Variants in GLI3 observed in about 807,000 individuals in gnomAD.
The protein encoded by GLI3 is transcription activator GLI3.
In GLI3, 20 loss-of-function variants were observed where a neutral mutation model predicts 100.8. The observed-to-expected ratio is 0.20, with a 90% CI of 0.14 to 0.29. GLI3 has a LOEUF of 0.29. Among genes scored for constraint, GLI3 ranks in the 10% least tolerant of loss-of-function variants. GLI3 has a pLI of 1.00. For synonymous variants in GLI3, 938 were observed against 860.5 expected, an observed-to-expected ratio of 1.09 and a Z score of -1.58; for missense variants, 2,040 against 2,128.5, an observed-to-expected ratio of 0.96 and a Z score of 0.82.
chr7:42,008,539 G>C (rs1301244523), intron 10 of GLI3, among the ~76,000 whole-genome samples: 1 of 152,120 alleles, frequency 6.6e-6, no homozygotes, highest in Non-Finnish European at 1.5e-5. Flanking sequence ...GAACTCCTAG[G>C]CTCAGGTAAT....
intron 10 of GLI3, among the ~76,000 whole-genome samples, chr7:42,022,064 A>T (rs1252431431): frequency 2.6e-5 from 4 of 152,238 alleles, no homozygotes; most frequent in Admixed American, 6.5e-5. Context: ...GTTCATGGAA[A>T]AATTCTGGAA....
chr7:42,135,868 GTCTC>G (rs3839734), intron 3 of GLI3, among the ~76,000 whole-genome samples: 52,567 of 151,636 alleles, frequency 0.35, 11,029 homozygotes, highest in East Asian at 0.58. Flanking sequence ...TTTTCTCTCT[GTCTC>G]TCTCTCTCAC....
In GLI3 at chr7:41,965,125, G is replaced by A. The variant is rs761338433; in HGVS notation, c.3948C>T (p.Asp1316=). Residue 1316 remains aspartate, a synonymous_variant, in exon 15 of 15, where the codon GAC becomes GAT. Transcript: ENST00000395925. ...GSMVNGMQNQ[D]PVGQGYLAHQ... ...GAGCCAGGTACCCCTGTCCCACTGG[G>A]TCCTGGTTCTGCATGCCATTCACCA... 1 of 1,613,806 alleles carries A rather than the reference G, an allele frequency of 6.2e-7. No individual in the cohort carries two copies.
At chr7:42,180,509 C>T (rs529479813) in intron 2 of GLI3, among the ~76,000 whole-genome samples, 1 of 152,302 alleles carries the variant, frequency 6.6e-6, no homozygotes, top group Admixed American at 6.5e-5. Context: ...CCTGATGGAG[C>T]AATCCAGCAG....
At chr7:42,045,571 G>C (rs749019076) in intron 5 of GLI3, 41 bp from the exon 6 acceptor site, 1 of 1,604,114 alleles carries the variant, frequency 6.2e-7, no homozygotes, top group East Asian at 2.2e-5. Flanking sequence ...AGCGAAAGAA[G>C]GTCAACTAGA....
At chr7:42,027,287 T>C (rs918681518) in intron 7 of GLI3, among the ~76,000 whole-genome samples, 1 of 152,174 alleles carries the variant, frequency 6.6e-6, no homozygotes, top group Non-Finnish European at 1.5e-5. Context: ...TCTTAAGGAA[T>C]TTGCCAATGG....
At chr7:42,010,308 G>A (rs566823107) in intron 10 of GLI3, among the ~76,000 whole-genome samples, 6 of 152,266 alleles carry the variant, frequency 3.9e-5, no homozygotes, top group East Asian at 1.9e-4. Flanking sequence ...AAAGTGGGAC[G>A]GTAAATAACA....
In GLI3 at chr7:41,965,255, C is replaced by T. The variant is rs779875007; in HGVS notation, c.3818G>A (p.Gly1273Asp). 5.0e-6 allele frequency: 8 copies of T among 1,613,794 alleles called. No individual in the cohort carries two copies. The South Asian group carries it at 7.7e-5, about 16-fold the overall frequency. The change falls in exon 15 of 15, where the codon GGT becomes GAT. Residue 1273 changes from glycine (G) to aspartate (D), a missense_variant. Gly to Asp is a moderately conservative substitution (Grantham distance 94). This residue lies in a region of GLI3 where 1,041 missense variants were observed against 924.0 expected (regional missense o/e 1.13). Transcript: ENST00000395925. ...VAPGALDGAC[G>D]AGIQASKLKS... ...CAGCTTTGAGGCTTGAATCCCGGCA[C>T]CACAGGCACCGTCGAGTGCACCAGG...
At chr7:42,190,506 C>G (rs1330714327) in intron 2 of GLI3, among the ~76,000 whole-genome samples, 1 of 152,080 alleles carries the variant, frequency 6.6e-6, no homozygotes, top group Non-Finnish European at 1.5e-5. Context: ...ATGAAAGACT[C>G]AATAACAATG....
intron 1 of GLI3, among the ~76,000 whole-genome samples, chr7:42,234,517 T>A (rs191044798): frequency 1.8e-3 from 269 of 152,344 alleles, no homozygotes; most frequent in Non-Finnish European, 3.5e-3. Context: ...CCATTTTTCA[T>A]CAGTATTGAA....
chr7:42,182,644 GTA>G (rs764864618), intron 2 of GLI3, among the ~76,000 whole-genome samples: 2,050 of 51,570 alleles, frequency 0.04, 50 homozygotes, highest in East Asian at 0.074. Context: ...ATATGTGTGT[GTA>G]TATATATATA....
intron 1 of GLI3, among the ~76,000 whole-genome samples, chr7:42,256,360 C>G (rs948431256): frequency 1.3e-5 from 2 of 151,666 alleles, no homozygotes; most frequent in Non-Finnish European, 2.9e-5. Flanking sequence ...CTTCACCCAT[C>G]CCAAGATATT....
chr7:42,140,733 T>A (rs1347985341), intron 3 of GLI3, among the ~76,000 whole-genome samples: 1 of 152,134 alleles, frequency 6.6e-6, no homozygotes, highest in African/African-American at 2.4e-5. Flanking sequence ...TTTACAGGTA[T>A]GAGATCAAGA....
rs1157605782 is a variant in GLI3 at position 42,076,856 on chromosome 7, G to A, written c.369C>T (p.His123=). 3 of 1,599,124 alleles carry A rather than the reference G, an allele frequency of 1.9e-6. No homozygotes were observed. Among genetic ancestry groups the A allele is most frequent in the Middle Eastern group, 1.7e-4 (1 of 6,032 alleles). Residue 123 remains histidine, a splice_region_variant and synonymous_variant, in exon 4 of 15, where the codon CAC becomes CAT. Coordinates refer to ENST00000395925, the MANE Select transcript of GLI3 (RefSeq NM_000168.6). ...GGAAGGCAGGGAAAAGATGAGGAGG[G>A]TCTGAAAAGAAGAGAGAGCCCAATC... ...PRNGYMEPHY[H]PPHLFPAFHP... is the part of the protein sequence containing the mutation.
At chr7:42,045,248 A>G (rs1395997650) in intron 6 of GLI3, 136 bp downstream of exon 6, 13 of 875,694 alleles carry the variant, frequency 1.5e-5, no homozygotes, top group Non-Finnish European at 2.5e-5. Flanking sequence ...GAACCAGAGC[A>G]CCAGATAGTG....
At chr7:42,162,645 C>G (rs117013558) in intron 2 of GLI3, among the ~76,000 whole-genome samples, 3,545 of 152,268 alleles carry the variant, frequency 0.023, 51 homozygotes, top group Non-Finnish European at 0.035. Context: ...CCTGACAATT[C>G]TGTCAATTCT....
At chr7:42,048,450 G>C in intron 5 of GLI3, 41 bp downstream of exon 5, 4 of 1,306,894 alleles carry the variant, frequency 3.1e-6, no homozygotes, top group Non-Finnish European at 4.4e-6. Context: ...GCGGGGAGGA[G>C]GCTGCATGAT....
chr7:42,174,917 G>A (rs1039346698), intron 2 of GLI3, among the ~76,000 whole-genome samples: 1 of 152,172 alleles, frequency 6.6e-6, no homozygotes, highest in Non-Finnish European at 1.5e-5. Flanking sequence ...GTGAGGATGC[G>A]CAGGGGAAGT....
chr7:42,064,634 C>T (rs56047905), intron 4 of GLI3, among the ~76,000 whole-genome samples: 19,721 of 152,128 alleles, frequency 0.13, 1,603 homozygotes, highest in African/African-American at 0.23. Context: ...GGGATGTGCT[C>T]AAAGGAACTA....
Sources: gnomAD v4.1 joint callset for allele counts (sites outside exome capture counted in the v4.1 genomes callset) on GRCh38, gnomAD v4.1.1 for gene constraint, gnomAD v4.1.1 regional missense constraint, MANE v1.5 for transcripts, NCBI Gene and HGNC (gene_info 2026-07-23, HGNC 2026-07-21) for gene names.